ZNF438: variants seen among roughly 807,000 people sequenced by gnomAD.
The protein encoded by ZNF438 is zinc finger protein 438.
A neutral mutation model predicts 38.0 loss-of-function variants in ZNF438; 25 were observed. That is an observed-to-expected ratio of 0.66 (90% CI 0.48 to 0.92). The LOEUF (loss-of-function observed/expected upper bound fraction) is 0.92. ZNF438 is among the 40% of genes least tolerant of loss of function. ZNF438 has a pLI of 0.00. For missense variants in ZNF438, 1,007 were observed against 999.6 expected, an observed-to-expected ratio of 1.01 and a Z score of -0.10; for synonymous variants, 372 against 364.1, an observed-to-expected ratio of 1.02 and a Z score of -0.25.
intron 2 of ZNF438, among the ~76,000 whole-genome samples, chr10:30,931,927 A>C (rs1379443059): frequency 6.6e-6 from 1 of 152,194 alleles, no homozygotes; most frequent in Non-Finnish European, 1.5e-5. Flanking sequence ...GAGACTGGGG[A>C]CCAGGATAAT....
At chr10:30,877,563 C>T (rs2038616572) in intron 3 of ZNF438, among the ~76,000 whole-genome samples, 1 of 152,060 alleles carries the variant, frequency 6.6e-6, no homozygotes, top group Non-Finnish European at 1.5e-5. Flanking sequence ...GATGAACATG[C>T]TAAATGATGG....
At chr10:30,891,375 T>C (rs1185739119) in intron 3 of ZNF438, among the ~76,000 whole-genome samples, 2 of 152,282 alleles carry the variant, frequency 1.3e-5, no homozygotes, top group South Asian at 2.1e-4. Flanking sequence ...GTGTTAAAAA[T>C]GTGTTCCATC....
At chr10:30,850,661 C>T (rs1056279921) in intron 4 of ZNF438, among the ~76,000 whole-genome samples, 8 of 152,204 alleles carry the variant, frequency 5.3e-5, no homozygotes, top group Admixed American at 3.3e-4. Context: ...TGCTTGACAG[C>T]GAAAATTCCG....
intron 1 of ZNF438, among the ~76,000 whole-genome samples, chr10:31,023,920 C>G (rs1156650038): frequency 6.6e-6 from 1 of 152,200 alleles, no homozygotes; most frequent in Admixed American, 6.5e-5. Context: ...TACATAAAAA[C>G]GTCTCTGCCT....
In ZNF438 at chr10:30,970,105, TACACACACACACAC is replaced by T. The variant is rs55745286; in HGVS notation, c.-191-28468_-191-28455del. ...TTCAGCCAGAAGAAATGCTGGCTGATACACACACACACACACACACACACACACACACACACACA... is the reference window on the plus strand; with the variant it reads ...TTCAGCCAGAAGAAATGCTGGCTGATACACACACACACACACACACACACA... On this transcript the variant is annotated intron_variant, in intron 1 of 5. Coordinates refer to ENST00000413025, the Ensembl canonical transcript of ZNF438. 3.3e-3 allele frequency among the ~76,000 whole-genome samples: 485 copies of T among 145,216 alleles called. 4 individuals are homozygous for T. The Middle Eastern group carries it at 0.063, about 19-fold the overall frequency.
At chr10:31,026,757 C>T (rs1422763996) in intron 1 of ZNF438, among the ~76,000 whole-genome samples, 1 of 151,986 alleles carries the variant, frequency 6.6e-6, no homozygotes, top group Non-Finnish European at 1.5e-5. Flanking sequence ...ACCCAAAGGA[C>T]TATAAATCAT....
At chr10:30,886,735 A>G (rs905937613) in intron 3 of ZNF438, among the ~76,000 whole-genome samples, 2 of 152,222 alleles carry the variant, frequency 1.3e-5, no homozygotes, top group Non-Finnish European at 2.9e-5. Flanking sequence ...CTTTCGCACC[A>G]TTGTAAAGTT....
At chr10:31,026,268 A>G (rs2056932316) in intron 1 of ZNF438, among the ~76,000 whole-genome samples, 2 of 152,372 alleles carry the variant, frequency 1.3e-5, no homozygotes, top group South Asian at 4.1e-4. Flanking sequence ...GAGCTTCTGC[A>G]CAGCAAAAGA....
At chr10:30,882,429 T>C (rs991038413) in intron 3 of ZNF438, among the ~76,000 whole-genome samples, 2 of 152,218 alleles carry the variant, frequency 1.3e-5, no homozygotes, top group African/African-American at 2.4e-5. Flanking sequence ...AGCAGCTATA[T>C]TTGTAGTAGT....
rs180913797 is a variant in ZNF438, at chr10:30,885,957, T to C, written c.-31-8892A>G. On this transcript the variant is annotated intron_variant, in intron 3 of 5. Transcript: ENST00000413025. ...CAGGATTAGAGGAATCCTACGTAAC[T>C]CCAGTGGACAGGACTAGGACCAGTA... 8.6e-4 allele frequency among the ~76,000 whole-genome samples: 131 copies of C among 152,248 alleles called. 2 individuals are homozygous for C. The highest frequency in any genetic ancestry group is 2.6e-4 in the Non-Finnish European group (18 of 68,004).
intron 1 of ZNF438, among the ~76,000 whole-genome samples, chr10:30,963,816 G>T (rs2049814282): frequency 1.3e-5 from 2 of 152,064 alleles, no homozygotes; most frequent in African/African-American, 4.8e-5. Flanking sequence ...GGGCAGCAGA[G>T]GTTGCAGATT....
intron 3 of ZNF438, among the ~76,000 whole-genome samples, chr10:30,896,100 C>T (rs908957950): frequency 6.6e-6 from 1 of 151,972 alleles, no homozygotes; most frequent in Non-Finnish European, 1.5e-5. Flanking sequence ...TCAAGACCAT[C>T]CTGGCTAACA....
intron 5 of ZNF438, among the ~76,000 whole-genome samples, chr10:30,845,802 T>A (rs544152260): frequency 6.6e-6 from 1 of 152,274 alleles, no homozygotes; most frequent in Admixed American, 6.5e-5. Context: ...GTTCATTTAG[T>A]CAACAGTCCT....
At chr10:30,930,948 C>T (rs2045625105) in intron 2 of ZNF438, among the ~76,000 whole-genome samples, 1 of 149,404 alleles carries the variant, frequency 6.7e-6, no homozygotes, top group South Asian at 2.2e-4. Flanking sequence ...TCCCATTTTT[C>T]TTCTGGTTCC....
chr10:30,857,925 A>G lies in ZNF438; in HGVS notation c.38-7558T>C, dbSNP rs1250127813. ...TATTAAGAGACAAGCACATGAGGCAATTCTCTAGATAGCTACAAACAGCTC... is the reference window on the plus strand; with the variant it reads ...TATTAAGAGACAAGCACATGAGGCAGTTCTCTAGATAGCTACAAACAGCTC... On this transcript the variant is annotated intron_variant, in intron 4 of 5. Transcript: ENST00000413025. The G allele has an allele frequency of 2.5e-5, 10 of 395,190 alleles. No individual in the cohort carries two copies. The East Asian group carries it at 4.1e-4, about 16-fold the overall frequency. The allele number at this position is 395,190 out of a possible 1,614,324, so 24.5% of individuals were successfully genotyped here. A position where few individuals can be genotyped will look rare whatever the true frequency, so the allele number is the denominator to read the frequency against.
chr10:30,992,805 G>A (rs2053638341), intron 1 of ZNF438, among the ~76,000 whole-genome samples: 1 of 152,184 alleles, frequency 6.6e-6, no homozygotes, highest in Admixed American at 6.5e-5. Context: ...ATGGAAATGA[G>A]GAGCAAGGTA....
rs1344235330 is a variant in ZNF438 at position 30,902,665 on chromosome 10, T to G, written c.-32+6268A>C. ...TACAAACCTTGAGCTAGACACAGAG[T>G]GCTGACTGGTGCACTCACAATCCCT... On this transcript the variant is annotated intron_variant, in intron 3 of 5. Coordinates refer to ENST00000413025, the Ensembl canonical transcript of ZNF438. Among the ~76,000 whole-genome samples the G allele has an allele frequency of 1.9e-4, 29 of 151,970 alleles. 1 individual carries two copies. The highest frequency in any genetic ancestry group is 1.5e-5 in the Non-Finnish European group (1 of 67,984).
At chr10:30,865,656 G>C (rs991861127) in intron 4 of ZNF438, among the ~76,000 whole-genome samples, 1 of 152,206 alleles carries the variant, frequency 6.6e-6, no homozygotes, top group Non-Finnish European at 1.5e-5. Context: ...ATATATCAGT[G>C]CTATGGTGTA....
At chr10:30,915,189 T>C (rs1360712603) in intron 2 of ZNF438, among the ~76,000 whole-genome samples, 1 of 152,076 alleles carries the variant, frequency 6.6e-6, no homozygotes, top group Non-Finnish European at 1.5e-5. Flanking sequence ...CTTTGTGCCC[T>C]ATGAAGTTTA....
Sources: allele counts gnomAD v4.1 joint callset (sites outside exome capture counted in the v4.1 genomes callset), GRCh38; gene constraint gnomAD v4.1.1; transcripts MANE v1.5; gene names NCBI Gene and HGNC (gene_info 2026-07-23, HGNC 2026-07-21).